The following C16orf89 variants were observed in gnomAD, a reference collection of about 807,000 sequenced individuals.
C16orf89 encodes chromosome 16 open reading frame 89.
C16orf89 carries 57 observed loss-of-function variants against 41.5 expected under a neutral mutation model. That is an observed-to-expected ratio of 1.38 (90% CI 1.11 to 1.71). The LOEUF (loss-of-function observed/expected upper bound fraction) is 1.71. C16orf89 is among the 40% of genes most tolerant of loss of function. The pLI, the probability that C16orf89 is intolerant of heterozygous loss-of-function variation, is 0.00. For missense variants in C16orf89, 575 were observed against 445.9 expected, an observed-to-expected ratio of 1.29 and a Z score of -2.61; for synonymous variants, 223 against 190.6, an observed-to-expected ratio of 1.17 and a Z score of -1.40.
chr16:5,044,815 G>T (rs1229067269), intron 7 of C16orf89: 17 of 1,234,314 alleles, frequency 1.4e-5, no homozygotes, highest in Non-Finnish European at 1.7e-5. Flanking sequence ...CTGTACTCCA[G>T]CCTGAGCAAC....
At position 5,058,523 on chromosome 16, in the gene C16orf89, G is replaced by C. The variant is rs1257429643; in HGVS notation, c.597C>G (p.His199Gln). The change falls in exon 4 of 8, where the codon CAC becomes CAG. Residue 199 changes from histidine to glutamine, a missense_variant. His to Gln is a conservative substitution (Grantham distance 24). Transcript: ENST00000472572. Reference sequence around the variant, plus strand: ...TGGCCCAGAGGAAGAAGAGCAGTTGGTGGGACAGGCAGTAGCCTGAGCAGC... The same window carrying C: ...TGGCCCAGAGGAAGAAGAGCAGTTGCTGGGACAGGCAGTAGCCTGAGCAGC... ...KPGCSGYCLSHQLLFFLWARM... is the reference protein window; with the variant it reads ...KPGCSGYCLSQQLLFFLWARM... 1 of 1,611,978 alleles carries C rather than the reference G, an allele frequency of 6.2e-7. No individual in the cohort carries two copies. The highest frequency in any genetic ancestry group is 8.5e-7 in the Non-Finnish European group (1 of 1,179,270).
rs999821989 is a variant in C16orf89 at position 5,044,207 on chromosome 16, C to G, written c.*141G>C. The G allele has an allele frequency of 7.1e-7, 1 of 1,411,742 alleles. No homozygotes were observed. The highest frequency in any genetic ancestry group is 9.2e-7 in the Non-Finnish European group (1 of 1,088,176). The allele number at this position is 1,411,742 out of a possible 1,614,324, so 87.5% of individuals were successfully genotyped here. ...CCCTGGCCTTGCCTACTCAGGGCTTCCAAGATTGGGTGTCGGGGTGGCTTT... is the reference window on the plus strand; with the variant it reads ...CCCTGGCCTTGCCTACTCAGGGCTTGCAAGATTGGGTGTCGGGGTGGCTTT... On this transcript the variant is annotated 3_prime_UTR_variant, in exon 8 of 8. Transcript: ENST00000472572.
intron 6 of C16orf89, among the ~76,000 whole-genome samples, chr16:5,051,978 C>G (rs1307011558): frequency 6.6e-6 from 1 of 151,450 alleles, no homozygotes; most frequent in African/African-American, 2.4e-5. Flanking sequence ...TGGTGGGTGG[C>G]TGTAATCCCA....
intron 6 of C16orf89, among the ~76,000 whole-genome samples, chr16:5,049,265 A>C (rs962116164): frequency 1.3e-5 from 2 of 152,238 alleles, no homozygotes; most frequent in Non-Finnish European, 2.9e-5. Flanking sequence ...TGAAGACATC[A>C]ACACCTTGCT....
chr16:5,059,732 T>C (rs1018082017), intron 3 of C16orf89, among the ~76,000 whole-genome samples: 2 of 152,092 alleles, frequency 1.3e-5, no homozygotes, highest in Non-Finnish European at 2.9e-5. Flanking sequence ...GCATCCTCAC[T>C]GGGGATGGGG....
At chr16:5,057,267 C>CATATATATATGTATATATATATGTGT (rs1567156337) in intron 4 of C16orf89, among the ~76,000 whole-genome samples, 23 of 134,472 alleles carry the variant, frequency 1.7e-4, no homozygotes, top group African/African-American at 4.2e-4. Context: ...AAGAAATATA[C>CATATATATATGTATATATATATGTGT]ATATATATAT....
At chr16:5,053,827 C>T (rs989311172) in intron 6 of C16orf89, among the ~76,000 whole-genome samples, 2 of 152,236 alleles carry the variant, frequency 1.3e-5, no homozygotes, top group Non-Finnish European at 2.9e-5. Flanking sequence ...GATTATAAGG[C>T]GTAGCCTATT....
chr16:5,056,932 A>G (rs997098272), intron 4 of C16orf89, among the ~76,000 whole-genome samples: 2 of 152,124 alleles, frequency 1.3e-5, no homozygotes, highest in Admixed American at 6.6e-5. Context: ...AATGAACCCT[A>G]CCTTTCTGTA....
At chr16:5,060,814 A>G (rs1243544713) in intron 2 of C16orf89, among the ~76,000 whole-genome samples, 3 of 152,048 alleles carry the variant, frequency 2.0e-5, no homozygotes, top group Non-Finnish European at 1.5e-5. Context: ...AGCCTAGGCA[A>G]CATAGCAAGA....
At chr16:5,062,651 T>A (rs922625190) in intron 1 of C16orf89, 77 bp from the exon 2 acceptor site, 13 of 1,393,560 alleles carry the variant, frequency 9.3e-6, no homozygotes, top group African/African-American at 1.4e-5. Context: ...GAAAAAAAAA[T>A]GCCCCAAAGT....
intron 6 of C16orf89, among the ~76,000 whole-genome samples, chr16:5,049,274 C>G (rs1415111400): frequency 2.0e-5 from 3 of 152,214 alleles, no homozygotes; most frequent in African/African-American, 7.2e-5. Flanking sequence ...CAACACCTTG[C>G]TCTCAGCATT....
intron 1 of C16orf89, 140 bp downstream of exon 1, chr16:5,065,561 G>T: frequency 4.0e-6 from 4 of 1,011,094 alleles, no homozygotes; most frequent in Non-Finnish European, 5.7e-6. Context: ...TCCAGCCCCT[G>T]GCCTCCTCTC....
chr16:5,061,432 C>CAAAAAAAAA, intron 2 of C16orf89, among the ~76,000 whole-genome samples: 1 of 25,242 alleles, frequency 4.0e-5, no homozygotes, highest in Non-Finnish European at 5.8e-5. Context: ...GACTCTGTCT[C>CAAAAAAAAA]AAAAAAAAAA....
At position 5,047,830 on chromosome 16, in the gene C16orf89, G is replaced by T. The variant is rs1318228070; in HGVS notation, c.955+48C>A. Reference sequence around the variant, plus strand: ...ATAAACACAGGCCTCTGTTTTGCTAGGATATCTTAGTTTCATGTCAAGAAA... The same window carrying T: ...ATAAACACAGGCCTCTGTTTTGCTATGATATCTTAGTTTCATGTCAAGAAA... On this transcript the variant is annotated intron_variant, in intron 7 of 7. Transcript: ENST00000472572. The T allele has an allele frequency of 4.6e-6, 5 of 1,077,266 alleles. No individual in the cohort carries two copies. In the East Asian group the frequency reaches 7.1e-5, roughly 15 times the overall value. The allele number at this position is 1,077,266 out of a possible 1,614,324, so 66.7% of individuals were successfully genotyped here.
intron 6 of C16orf89, among the ~76,000 whole-genome samples, chr16:5,050,846 C>T: frequency 6.6e-6 from 1 of 152,168 alleles, no homozygotes. Flanking sequence ...TAAAAAAAAT[C>T]ATTCATCATG....
intron 4 of C16orf89, among the ~76,000 whole-genome samples, chr16:5,057,749 G>A (rs1334256922): frequency 2.0e-5 from 3 of 151,848 alleles, no homozygotes; most frequent in African/African-American, 7.3e-5. Context: ...GGCTGGTCTC[G>A]AACTCCTGAT....
chr16:5,057,761 T>C (rs1300529260), intron 4 of C16orf89, among the ~76,000 whole-genome samples: 1 of 152,022 alleles, frequency 6.6e-6, no homozygotes, highest in Non-Finnish European at 1.5e-5. Context: ...ACTCCTGATC[T>C]CAAGTGATCC....
intron 6 of C16orf89, among the ~76,000 whole-genome samples, chr16:5,054,623 A>T (rs1956455996): frequency 6.6e-6 from 1 of 152,178 alleles, no homozygotes; most frequent in Admixed American, 6.5e-5. Context: ...GTACTTGCTG[A>T]ATGAATGCTG....
Position 5,065,946 on chromosome 16 carries a change from C to T in C16orf89, c.-38G>A. ...CTCACTGCTGGTCACACGCTCAGCA[C>T]CCTGAGCTCTGGCCAAGCCCAGACT... On this transcript the variant is annotated 5_prime_UTR_variant, in exon 1 of 8. The change creates a new upstream start codon in the 5' untranslated region. Transcript: ENST00000472572. The T allele has an allele frequency of 6.2e-6, 10 of 1,605,014 alleles. No homozygotes were observed. The highest frequency in any genetic ancestry group is 7.6e-6 in the Non-Finnish European group (9 of 1,177,134).
Sources: gnomAD v4.1 joint callset for allele counts (sites outside exome capture counted in the v4.1 genomes callset) on GRCh38, gnomAD v4.1.1 for gene constraint, MANE v1.5 for transcripts, NCBI Gene and HGNC (gene_info 2026-07-23, HGNC 2026-07-21) for gene names.